The following IL17RD variants were observed in gnomAD, a reference collection of about 807,000 sequenced individuals.
IL17RD encodes interleukin-17 receptor D.
Under a neutral mutation model 80.5 loss-of-function variants are expected in IL17RD, and 52 were observed. That is an observed-to-expected ratio of 0.65 (90% CI 0.52 to 0.81). The LOEUF is 0.81. Ranked by LOEUF, IL17RD falls within the 40% of genes least tolerant of loss-of-function variation. The probability of loss-of-function intolerance (pLI) is 0.00; values close to 1 mark genes in which losing one functional copy is unlikely to be tolerated. For synonymous variants in IL17RD, 416 were observed against 391.8 expected, an observed-to-expected ratio of 1.06 and a Z score of -0.73; for missense variants, 1,024 against 955.1, an observed-to-expected ratio of 1.07 and a Z score of -0.95.
At chr3:57,107,311 G>A (rs529853854) in intron 5 of IL17RD, among the ~76,000 whole-genome samples, 11 of 151,994 alleles carry the variant, frequency 7.2e-5, no homozygotes, top group East Asian at 5.8e-4. Context: ...CCCCGGAGGC[G>A]GAGCTTGCAG....
At chr3:57,169,008 G>A (rs887732195), upstream of IL17RD, among the ~76,000 whole-genome samples, 2 of 152,210 alleles carry the variant, frequency 1.3e-5, no homozygotes, top group Non-Finnish European at 2.9e-5. Context: ...GTGAGCCGCC[G>A]CTCCCAGTCT....
chr3:57,131,636 C>T (rs965495993), intron 1 of IL17RD, among the ~76,000 whole-genome samples: 1 of 152,222 alleles, frequency 6.6e-6, no homozygotes. Context: ...CCTCTCTTGG[C>T]AATACTATCA....
At chr3:57,164,927 T>C (rs1435761235) in intron 1 of IL17RD, 12 of 1,262,084 alleles carry the variant, frequency 9.5e-6, no homozygotes, top group Non-Finnish European at 1.2e-5. Context: ...CGGCCGCACC[T>C]CATTAGCAAC....
chr3:57,146,031 ACG>A (rs772853986), intron 1 of IL17RD, among the ~76,000 whole-genome samples: 338 of 132,722 alleles, frequency 2.5e-3, no homozygotes, highest in Non-Finnish European at 3.9e-3. Flanking sequence ...ACACACACTC[ACG>A]CGCGCGCGCG....
At position 57,106,103 on chromosome 3, in the gene IL17RD, T is replaced by C. The variant is rs1388471321; in HGVS notation, c.595+7A>G. ...GAGACTTGATAGATAAGAACACTAT[T>C]ACTTACAGGGTTTACAAGCTAGATT... On this transcript the variant is annotated splice_region_variant and intron_variant, in intron 6 of 12. Transcript: ENST00000296318. The C allele has an allele frequency of 2.5e-6, 4 of 1,611,326 alleles. No homozygotes were observed. The highest frequency in any genetic ancestry group is 2.7e-5 in the African/African-American group (2 of 74,830).
intron 2 of IL17RD, among the ~76,000 whole-genome samples, chr3:57,115,922 C>T (rs1342356895): frequency 6.6e-6 from 1 of 152,132 alleles, no homozygotes; most frequent in Non-Finnish European, 1.5e-5. Context: ...CCTGTAGAGT[C>T]TCCCTGCACA....
Position 57,109,586 on chromosome 3 carries a change from A to G in IL17RD, c.501T>C (p.Pro167=). The G allele has an allele frequency of 1.2e-6, 2 of 1,613,710 alleles. No homozygotes were observed. Among genetic ancestry groups the G allele is most frequent in the Non-Finnish European group, 1.7e-6 (2 of 1,179,602 alleles). ...TDYFVKVVPF[P]SIKNESNYHP... is the part of the protein sequence containing the mutation. ...GGTAATTGCTTTCGTTTTTAATGGA[A>G]GGAAAAGGGACAACCTTTACGAAAT... Residue 167 remains proline, a synonymous_variant, in exon 5 of 13, where the codon CCT becomes CCC. Coordinates refer to ENST00000296318, the MANE Select transcript of IL17RD (RefSeq NM_017563.5).
rs2107455744 is a variant in IL17RD at position 57,093,969 on chromosome 3, T to C, written c.*2424A>G. ...GGTCTCTTTTCTAGAGGACGTTGTC[T>C]AACCTATCTACACAAGCCTTTTACT... On this transcript the variant is annotated 3_prime_UTR_variant, in exon 13 of 13. Transcript: ENST00000296318. 6.6e-6 allele frequency: 1 copy of C among 151,662 alleles called. No individual in the cohort carries two copies. The highest frequency in any genetic ancestry group is 6.5e-5 in the Admixed American group (1 of 15,272). 9.4% of individuals were successfully genotyped at this position (151,662 alleles called of 1,614,324 possible).
At chr3:57,164,985 G>C in intron 1 of IL17RD, 176 bp downstream of exon 1, 1 of 1,334,738 alleles carries the variant, frequency 7.5e-7, no homozygotes, top group Non-Finnish European at 9.5e-7. Flanking sequence ...AGGGCCGGAG[G>C]ACACGCGTCC....
At position 57,096,247 on chromosome 3, in the gene IL17RD, G is replaced by C; in HGVS notation, c.*146C>G. On this transcript the variant is annotated 3_prime_UTR_variant, in exon 13 of 13. Transcript: ENST00000296318. The stretch of plus-strand genomic sequence containing the variant: ...GATATCCGGTAAAGGGTTGGGGCAA[G>C]GGAGAACAAGTACTGGCCAGCATTT... The C allele has an allele frequency of 1.5e-6, 1 of 651,398 alleles. No individual in the cohort carries two copies. Among genetic ancestry groups the C allele is most frequent in the South Asian group, 1.8e-5 (1 of 55,254 alleles). 40.4% of individuals were successfully genotyped at this position (651,398 alleles called of 1,614,324 possible).
chr3:57,134,376 C>A (rs1321638722), intron 1 of IL17RD: 2 of 694,678 alleles, frequency 2.9e-6, no homozygotes, highest in South Asian at 1.5e-5. Flanking sequence ...CATAAGTAAG[C>A]GAAAGGGTAC....
chr3:57,104,504 G>T, intron 7 of IL17RD, 97 bp from the exon 8 acceptor site: 1 of 746,154 alleles, frequency 1.3e-6, no homozygotes, highest in South Asian at 1.6e-5. Flanking sequence ...CTTGCCACCA[G>T]TCTCAACCAC....
chr3:57,097,797 C>T lies in IL17RD; in HGVS notation c.1906G>A (p.Ala636Thr), dbSNP rs754841353. 7 of 1,604,728 alleles carry T rather than the reference C, an allele frequency of 4.4e-6. No individual in the cohort carries two copies. The highest frequency in any genetic ancestry group is 6.0e-6 in the Non-Finnish European group (7 of 1,175,594). Residue 636 changes from alanine to threonine, a missense_variant, in exon 12 of 13, where the codon GCC (alanine) becomes ACC (threonine). Ala to Thr is a moderately conservative substitution (Grantham distance 58). Coordinates refer to ENST00000296318, the MANE Select transcript of IL17RD (RefSeq NM_017563.5). ...TGCAGGGCGGCGCTACCGTCAAGGG[C>T]AGGCCGGGCCTCCCCGTCTTGGTCC... ...GLDQDGEARP[A>T]LDGSAALQPL...
chr3:57,154,164 G>A (rs1371144123), intron 1 of IL17RD, among the ~76,000 whole-genome samples: 1 of 151,574 alleles, frequency 6.6e-6, no homozygotes, highest in East Asian at 1.9e-4. Context: ...CAGGAGGATT[G>A]CTGGAGCCCA....
At position 57,101,372 on chromosome 3, in the gene IL17RD, G is replaced by A. The variant is rs1706825662; in HGVS notation, c.980-9C>T. ...ATGTGAATATATATTTTCTAAATTG[G>A]AAAAGAAGATAAGGTTGATACTTGC... On this transcript the variant is annotated splice_polypyrimidine_tract_variant and intron_variant, in intron 10 of 12. Transcript: ENST00000296318. The A allele has an allele frequency of 6.4e-7, 1 of 1,559,570 alleles. No homozygotes were observed. Among genetic ancestry groups the A allele is most frequent in the African/African-American group, 1.4e-5 (1 of 73,338 alleles).
At chr3:57,104,522 AG>A in intron 7 of IL17RD, 115 bp from the exon 8 acceptor site, 1 of 679,712 alleles carries the variant, frequency 1.5e-6, no homozygotes, top group African/African-American at 1.8e-5. Context: ...CACAGTTTTC[AG>A]AAAATGTGAT....
intron 1 of IL17RD, among the ~76,000 whole-genome samples, chr3:57,128,080 G>A (rs1707532084): frequency 6.6e-6 from 1 of 152,148 alleles, no homozygotes; most frequent in East Asian, 1.9e-4. Context: ...ACATTCCCAG[G>A]AGCTGTTCTC....
intron 1 of IL17RD, among the ~76,000 whole-genome samples, chr3:57,129,175 A>G (rs1413590960): frequency 1.3e-5 from 2 of 152,162 alleles, no homozygotes; most frequent in Admixed American, 6.5e-5. Context: ...GTGTCTGTGT[A>G]TGCTTTTTCC....
chr3:57,118,503 C>A (rs1872943), intron 2 of IL17RD, among the ~76,000 whole-genome samples: 129,051 of 152,214 alleles, frequency 0.85, 55,316 homozygotes, highest in South Asian at 0.95. Context: ...AGATGCCAGA[C>A]GTCACTAAAT....
Sources: allele counts gnomAD v4.1 joint callset (sites outside exome capture counted in the v4.1 genomes callset), GRCh38; gene constraint gnomAD v4.1.1; transcripts MANE v1.5; gene names NCBI Gene and HGNC (gene_info 2026-07-23, HGNC 2026-07-21).